The following SERINC5 variants were observed in gnomAD, a reference collection of about 807,000 sequenced individuals.
SERINC5 encodes the protein serine incorporator 5.
In SERINC5, 41 loss-of-function variants were observed where a neutral mutation model predicts 63.1. That is an observed-to-expected ratio of 0.65 (90% CI 0.51 to 0.84). The LOEUF is 0.84. SERINC5 is among the 40% of genes least tolerant of loss of function. The pLI is 0.00. For synonymous variants in SERINC5, 222 were observed against 215.2 expected (o/e 1.03, Z -0.28); for missense variants, 523 against 573.0 (o/e 0.91, Z 0.89).
intron 2 of SERINC5, among the ~76,000 whole-genome samples, chr5:80,187,263 C>T (rs567967419): frequency 1.7e-4 from 26 of 152,142 alleles, no homozygotes; most frequent in Non-Finnish European, 3.1e-4. Context: ...TGGGCAGCTC[C>T]ACATGAGGGA....
intron 1 of SERINC5, among the ~76,000 whole-genome samples, chr5:80,219,652 C>T (rs1177847727): frequency 1.3e-5 from 2 of 152,184 alleles, no homozygotes; most frequent in Non-Finnish European, 2.9e-5. Context: ...TGCATTCAAG[C>T]ACCAGCTGCC....
At chr5:80,119,414 G>A (rs534952490) in intron 11 of SERINC5, among the ~76,000 whole-genome samples, 1 of 152,306 alleles carries the variant, frequency 6.6e-6, no homozygotes, top group African/African-American at 2.4e-5. Flanking sequence ...CTAAAGGAGC[G>A]AATTAGAGGC....
chr5:80,120,501 T>C (rs1744498314), intron 11 of SERINC5, among the ~76,000 whole-genome samples: 1 of 152,142 alleles, frequency 6.6e-6, no homozygotes, highest in South Asian at 2.1e-4. Flanking sequence ...TATACCATAT[T>C]AGGTTATAAT....
intron 1 of SERINC5, among the ~76,000 whole-genome samples, chr5:80,226,043 G>GA (rs57623969): frequency 0.6 from 87,284 of 145,632 alleles, 26,170 homozygotes; most frequent in African/African-American, 0.67. Flanking sequence ...CTCCCCAAAG[G>GA]AAAAAAAAAA....
chr5:80,188,437 A>T (rs114863914), intron 2 of SERINC5, among the ~76,000 whole-genome samples: 1 of 152,156 alleles, frequency 6.6e-6, no homozygotes, highest in Non-Finnish European at 1.5e-5. Context: ...TCAATGCCTC[A>T]ATTCTAACTT....
At chr5:80,177,801 T>G in intron 3 of SERINC5, 85 bp downstream of exon 3, 1 of 1,031,102 alleles carries the variant, frequency 9.7e-7, no homozygotes, top group Admixed American at 3.0e-5. Flanking sequence ...GCAGTCACAG[T>G]GTCTGGTGGG....
Position 80,138,835 on chromosome 5 carries a change from A to C in SERINC5, c.*4828T>G, listed in dbSNP as rs1745332611. 1 of 983,922 alleles carries C rather than the reference A, an allele frequency of 1.0e-6. No individual in the cohort carries two copies. The highest frequency in any genetic ancestry group is 1.2e-6 in the Non-Finnish European group (1 of 828,662). The allele number at this position is 983,922 out of a possible 1,614,324, so 60.9% of individuals were successfully genotyped here. A position where few individuals can be genotyped will look rare whatever the true frequency, so the allele number is the denominator to read the frequency against. On this transcript the variant is annotated 3_prime_UTR_variant, in exon 12 of 12. Coordinates refer to ENST00000507668, the MANE Select transcript of SERINC5 (RefSeq NM_001174072.3). ...TCTGAAGGCAACATCTCTGCAAAAC[A>C]ACTAACTTGAGTACTTTAATTATAT...
chr5:80,115,244 G>A (rs1744285716), intron 11 of SERINC5, among the ~76,000 whole-genome samples: 1 of 151,998 alleles, frequency 6.6e-6, no homozygotes, highest in Non-Finnish European at 1.5e-5. Flanking sequence ...TCACTGCTAG[G>A]GTGAAACTGG....
chr5:80,190,722 G>A (rs1749130390), intron 2 of SERINC5, among the ~76,000 whole-genome samples: 1 of 152,154 alleles, frequency 6.6e-6, no homozygotes, highest in African/African-American at 2.4e-5. Flanking sequence ...AGGACATTAG[G>A]ACCTAATGTT....
chr5:80,208,446 C>T (rs1427973), intron 1 of SERINC5, among the ~76,000 whole-genome samples: 153 of 151,262 alleles, frequency 1.0e-3, no homozygotes, highest in African/African-American at 3.7e-3. Context: ...CCTGCCCCCC[C>T]AAACGACTCA....
intron 11 of SERINC5, chr5:80,116,126 A>G: frequency 2.8e-6 from 1 of 360,292 alleles, no homozygotes; most frequent in Non-Finnish European, 5.4e-6. Flanking sequence ...GCAGCAATGC[A>G]AAAATAGGCA....
chr5:80,162,532 C>G (rs1747011193), intron 7 of SERINC5, among the ~76,000 whole-genome samples: 1 of 152,092 alleles, frequency 6.6e-6, no homozygotes, highest in African/African-American at 2.4e-5. Context: ...TGCCACCACA[C>G]TCAGCTAATT....
intron 9 of SERINC5, 45 bp downstream of exon 9, chr5:80,150,837 G>A: frequency 7.4e-7 from 1 of 1,356,328 alleles, no homozygotes; most frequent in Non-Finnish European, 1.1e-6. Context: ...CCTGAGAAAT[G>A]GATCTTCTGA....
intron 8 of SERINC5, among the ~76,000 whole-genome samples, chr5:80,155,421 C>T (rs562784805): frequency 1.3e-5 from 2 of 152,136 alleles, no homozygotes; most frequent in African/African-American, 4.8e-5. Flanking sequence ...AAAAATTAGC[C>T]GGGCATGGTG....
chr5:80,199,011 CCTCCCAAAATAT>C (rs1450636039), intron 2 of SERINC5, among the ~76,000 whole-genome samples: 1 of 152,198 alleles, frequency 6.6e-6, no homozygotes, highest in African/African-American at 2.4e-5. Flanking sequence ...TCTAGGCTCA[CCTCCCAAAATAT>C]CTCCCTCTGT....
chr5:80,253,782 A>G (rs1235618480), intron 1 of SERINC5, among the ~76,000 whole-genome samples: 2 of 152,168 alleles, frequency 1.3e-5, no homozygotes, highest in Non-Finnish European at 2.9e-5. Flanking sequence ...ATGTTTATGA[A>G]TGATCTCCCC....
chr5:80,186,126 GAAAAAAAAAAAAAAAAA>G (rs10554934), intron 2 of SERINC5, among the ~76,000 whole-genome samples: 4 of 61,408 alleles, frequency 6.5e-5, no homozygotes, highest in African/African-American at 1.0e-4. Flanking sequence ...TTCTTGTTTT[GAAAAAAAAAAAAAAAAA>G]AAAAAAAAAA....
intron 11 of SERINC5, chr5:80,114,568 C>T (rs779692022): frequency 8.6e-5 from 15 of 174,618 alleles, no homozygotes; most frequent in Non-Finnish European, 1.1e-4. Context: ...GCAAGAGAAT[C>T]GCTTGACATC....
chr5:80,174,999 T>C lies in SERINC5; in HGVS notation c.506A>G (p.Gln169Arg). 6.2e-7 allele frequency: 1 copy of C among 1,603,304 alleles called. No individual in the cohort carries two copies. Among genetic ancestry groups the C allele is most frequent in the Non-Finnish European group, 8.5e-7 (1 of 1,174,832 alleles). ...AVGGFLFIGI[Q>R]LLLLVEFAHK... is the part of the protein sequence containing the mutation. ...TGCAAACTCCACGAGCAGGAGGAGC[T>C]GGATGCCAATGAAGAGGAAGCCTCC... The change falls in exon 5 of 12, where the codon CAG (glutamine) becomes CGG (arginine). Residue 169 changes from glutamine to arginine, a missense_variant. By Grantham distance (43) the Gln-to-Arg change is conservative. Transcript: ENST00000507668.
Sources: gnomAD v4.1 joint callset for allele counts (sites outside exome capture counted in the v4.1 genomes callset) on GRCh38, gnomAD v4.1.1 for gene constraint, MANE v1.5 for transcripts, NCBI Gene and HGNC (gene_info 2026-07-23, HGNC 2026-07-21) for gene names.